The following ADAM12 variants were observed in gnomAD, a reference collection of about 807,000 sequenced individuals.
ADAM12 encodes ADAM metallopeptidase domain 12, also known as disintegrin and metalloproteinase domain-containing protein 12.
A neutral mutation model predicts 106.4 loss-of-function variants in ADAM12; 70 were observed. The observed-to-expected ratio is 0.66, with a 90% CI of 0.54 to 0.80. The LOEUF (loss-of-function observed/expected upper bound fraction) is 0.80, where lower values mean the gene tolerates loss of function less well. Among genes scored for constraint, ADAM12 ranks in the 30% least tolerant of loss-of-function variants. ADAM12 has a pLI of 0.00. For missense variants in ADAM12, 1,010 were observed against 1,171.9 expected, an observed-to-expected ratio of 0.86 and a Z score of 2.02; for synonymous variants, 420 against 433.5, an observed-to-expected ratio of 0.97 and a Z score of 0.39.
chr10:126,069,856 G>A (rs1159817608), intron 12 of ADAM12, among the ~76,000 whole-genome samples: 1 of 152,122 alleles, frequency 6.6e-6, no homozygotes, highest in East Asian at 1.9e-4. Flanking sequence ...GGTGGTGGTG[G>A]CGATTGTGGA....
chr10:126,302,796 C>T (rs928966061), intron 2 of ADAM12, among the ~76,000 whole-genome samples: 4 of 152,166 alleles, frequency 2.6e-5, no homozygotes, highest in African/African-American at 7.2e-5. Flanking sequence ...CGTACCATTA[C>T]CAAAATTGTG....
chr10:126,291,731 C>T (rs371891719), intron 2 of ADAM12, among the ~76,000 whole-genome samples: 46 of 151,964 alleles, frequency 3.0e-4, no homozygotes, highest in African/African-American at 9.9e-4. Flanking sequence ...GCCCAGGGCT[C>T]GGGGGGTGAT....
intron 11 of ADAM12, among the ~76,000 whole-genome samples, chr10:126,078,557 C>T (rs1248548748): frequency 6.6e-6 from 1 of 152,160 alleles, no homozygotes; most frequent in Non-Finnish European, 1.5e-5. Context: ...CTTCATGTGT[C>T]ACCATATTCT....
chr10:126,379,088 T>C (rs561720711), intron 1 of ADAM12, among the ~76,000 whole-genome samples: 1 of 152,294 alleles, frequency 6.6e-6, no homozygotes, highest in South Asian at 2.1e-4. Flanking sequence ...TTTACACTGT[T>C]GGTGGGAGTG....
At chr10:126,303,830 C>T (rs1960727383) in intron 2 of ADAM12, among the ~76,000 whole-genome samples, 1 of 152,082 alleles carries the variant, frequency 6.6e-6, no homozygotes, top group Non-Finnish European at 1.5e-5. Flanking sequence ...TATTATACAC[C>T]AAATTGGCTG....
intron 2 of ADAM12, among the ~76,000 whole-genome samples, chr10:126,315,204 A>G (rs1853815251): frequency 6.6e-6 from 1 of 152,180 alleles, no homozygotes; most frequent in Admixed American, 6.5e-5. Flanking sequence ...GCTTTCACTG[A>G]AAAATGTACA....
intron 11 of ADAM12, among the ~76,000 whole-genome samples, chr10:126,086,751 A>G (rs1955365188): frequency 3.2e-5 from 4 of 126,544 alleles, no homozygotes; most frequent in Non-Finnish European, 6.4e-5. Flanking sequence ...AAGTTCATCC[A>G]TGGGCCAGGT....
intron 1 of ADAM12, among the ~76,000 whole-genome samples, chr10:126,387,632 G>GA (rs143467571): frequency 0.044 from 6,746 of 152,242 alleles, 511 homozygotes; most frequent in African/African-American, 0.15. Flanking sequence ...GGGGAGGCGG[G>GA]GCTGGAAAGG....
chr10:126,114,783 A>C (rs577239685), intron 6 of ADAM12, among the ~76,000 whole-genome samples: 1 of 152,324 alleles, frequency 6.6e-6, no homozygotes, highest in South Asian at 2.1e-4. Context: ...ACCAAGCTTT[A>C]AGAACAACTA....
At chr10:126,026,256 A>C (rs957564413) in intron 21 of ADAM12, among the ~76,000 whole-genome samples, 2 of 152,224 alleles carry the variant, frequency 1.3e-5, no homozygotes, top group African/African-American at 4.8e-5. Flanking sequence ...GGCATTGCAT[A>C]ATGGTAAAGA....
chr10:126,220,168 G>A (rs1039204271), intron 3 of ADAM12, among the ~76,000 whole-genome samples: 6 of 152,216 alleles, frequency 3.9e-5, no homozygotes, highest in East Asian at 1.9e-4. Context: ...GTGTCTGTGC[G>A]TGGCAATGTG....
chr10:126,108,963 C>T (rs1955822744), intron 7 of ADAM12, among the ~76,000 whole-genome samples: 1 of 152,214 alleles, frequency 6.6e-6, no homozygotes, highest in South Asian at 2.1e-4. Context: ...AACTAGAAGT[C>T]AGTCCAAAGC....
chr10:126,161,363 G>A (rs1048630535), intron 3 of ADAM12, among the ~76,000 whole-genome samples: 1 of 151,802 alleles, frequency 6.6e-6, no homozygotes, highest in Non-Finnish European at 1.5e-5. Context: ...AGGGTCAAAT[G>A]ACCTGCCCAA....
chr10:126,121,190 C>A (rs1194453804), intron 5 of ADAM12, among the ~76,000 whole-genome samples: 20 of 60,232 alleles, frequency 3.3e-4, no homozygotes, highest in African/African-American at 1.2e-3. Flanking sequence ...ACACTATATA[C>A]TATATATATA....
intron 3 of ADAM12, among the ~76,000 whole-genome samples, chr10:126,267,359 T>C (rs10901578): frequency 0.42 from 63,354 of 152,100 alleles, 14,352 homozygotes; most frequent in Non-Finnish European, 0.52. Flanking sequence ...GCATTTATTG[T>C]GTACTTTATT....
intron 3 of ADAM12, among the ~76,000 whole-genome samples, chr10:126,276,808 T>A (rs1172810911): frequency 6.6e-6 from 1 of 152,200 alleles, no homozygotes; most frequent in African/African-American, 2.4e-5. Context: ...CATGAAAGAC[T>A]CAGAATTGAA....
intron 3 of ADAM12, among the ~76,000 whole-genome samples, chr10:126,184,107 T>A (rs2133789523): frequency 6.6e-6 from 1 of 152,296 alleles, no homozygotes; most frequent in Middle Eastern, 3.4e-3. Flanking sequence ...CAAGACTGTG[T>A]CCCATTGAAA....
chr10:126,197,991 T>C (rs1957628770), intron 3 of ADAM12, among the ~76,000 whole-genome samples: 1 of 152,210 alleles, frequency 6.6e-6, no homozygotes, highest in African/African-American at 2.4e-5. Flanking sequence ...CAATGTGAAA[T>C]TACAGTTCTT....
chr10:126,033,062 A>G (rs1403805538), intron 21 of ADAM12, among the ~76,000 whole-genome samples: 1 of 152,224 alleles, frequency 6.6e-6, no homozygotes, highest in Non-Finnish European at 1.5e-5. Context: ...TCAAACAGAA[A>G]TAAATAGGCA....
Sources: allele counts gnomAD v4.1 joint callset (sites outside exome capture counted in the v4.1 genomes callset), GRCh38; gene constraint gnomAD v4.1.1; transcripts MANE v1.5; gene names NCBI Gene and HGNC (gene_info 2026-07-23, HGNC 2026-07-21).